The following DCLK1 variants were observed in gnomAD, a reference collection of about 807,000 sequenced individuals.
The protein encoded by DCLK1 is doublecortin like kinase 1.
In DCLK1, 16 loss-of-function variants were observed where a neutral mutation model predicts 86.2. The ratio of observed to expected loss-of-function variants is 0.19; its 90% CI spans 0.13 to 0.28. The LOEUF is 0.28. DCLK1 is among the 10% of genes least tolerant of loss of function. DCLK1 has a pLI of 1.00. For missense variants in DCLK1, 590 were observed against 940.2 expected (o/e 0.63, Z 4.87); for synonymous variants, 369 against 370.5 (o/e 1.00, Z 0.05).
intron 2 of DCLK1, among the ~76,000 whole-genome samples, chr13:36,117,391 T>C (rs1885826479): frequency 6.6e-6 from 1 of 152,172 alleles, no homozygotes; most frequent in Admixed American, 6.5e-5. Context: ...TGTACTCTTG[T>C]ACCTATTATA....
At chr13:35,834,034 C>A (rs1014316293) in intron 8 of DCLK1, among the ~76,000 whole-genome samples, 1 of 152,124 alleles carries the variant, frequency 6.6e-6, no homozygotes, top group East Asian at 1.9e-4. Context: ...GACCAAGACA[C>A]CAGCCCAATC....
At chr13:35,884,515 C>T (rs1332157537) in intron 4 of DCLK1, among the ~76,000 whole-genome samples, 2 of 151,958 alleles carry the variant, frequency 1.3e-5, no homozygotes, top group African/African-American at 4.8e-5. Context: ...AGAATTCCTC[C>T]AAGAGAAAAG....
Position 35,799,996 on chromosome 13 carries a change from TA to T in DCLK1, c.1944+5702del, listed in dbSNP as rs1307893750. 2.0e-5 allele frequency among the ~76,000 whole-genome samples: 3 copies of T among 152,342 alleles called. No individual in the cohort carries two copies. The East Asian group carries it at 5.8e-4, about 29-fold the overall frequency. ...TTTTGTTGGTATTTTGTAACTACATTAAACAAAGTAGCTGTGATGCTGGAGA... is the reference window on the plus strand; with the variant it reads ...TTTTGTTGGTATTTTGTAACTACATTAACAAAGTAGCTGTGATGCTGGAGA... On this transcript the variant is annotated intron_variant, in intron 15 of 16. Coordinates refer to ENST00000360631, the MANE Select transcript of DCLK1 (RefSeq NM_001330071.2).
chr13:36,128,774 C>A (rs1054792388), intron 1 of DCLK1, among the ~76,000 whole-genome samples: 11 of 152,192 alleles, frequency 7.2e-5, no homozygotes, highest in Admixed American at 7.2e-4. Flanking sequence ...CAGCTCTGAA[C>A]TGGTTTCATT....
At chr13:36,049,315 C>G (rs1368289911) in intron 3 of DCLK1, among the ~76,000 whole-genome samples, 2 of 152,132 alleles carry the variant, frequency 1.3e-5, no homozygotes, top group African/African-American at 4.8e-5. Flanking sequence ...ATGTGTCAAT[C>G]CATCCCCAAA....
At chr13:35,817,137 CA>C (rs1305426655) in intron 11 of DCLK1, among the ~76,000 whole-genome samples, 2 of 152,122 alleles carry the variant, frequency 1.3e-5, no homozygotes, top group African/African-American at 2.4e-5. Flanking sequence ...CAGAAAGGAG[CA>C]GTGAATTAGA....
intron 7 of DCLK1, among the ~76,000 whole-genome samples, chr13:35,837,831 C>T (rs945422516): frequency 2.0e-5 from 3 of 151,830 alleles, no homozygotes; most frequent in Non-Finnish European, 2.9e-5. Flanking sequence ...TTTGGGAGGC[C>T]GAGGCAGTTG....
intron 3 of DCLK1, among the ~76,000 whole-genome samples, chr13:36,044,486 A>C (rs1446432470): frequency 6.6e-6 from 1 of 152,192 alleles, no homozygotes; most frequent in Admixed American, 6.5e-5. Context: ...TTCTGAAGGA[A>C]GTGTAATTGG....
At chr13:36,055,993 T>C (rs912381165) in intron 3 of DCLK1, among the ~76,000 whole-genome samples, 1 of 151,362 alleles carries the variant, frequency 6.6e-6, no homozygotes, top group Non-Finnish European at 1.5e-5. Flanking sequence ...TGTGGAGAAA[T>C]AGGAACACTT....
chr13:35,832,269 C>T (rs1566557115), intron 8 of DCLK1, among the ~76,000 whole-genome samples: 1 of 152,156 alleles, frequency 6.6e-6, no homozygotes, highest in Non-Finnish European at 1.5e-5. Flanking sequence ...CACTGCACTC[C>T]AGCCTGGGTG....
intron 3 of DCLK1, among the ~76,000 whole-genome samples, chr13:36,023,938 C>T (rs537085661): frequency 8.4e-5 from 12 of 143,248 alleles, no homozygotes; most frequent in South Asian, 6.7e-4. Context: ...TCTTGTTGCC[C>T]GGGCTGGAGT....
chr13:35,957,788 T>C (rs1383484089), intron 3 of DCLK1, among the ~76,000 whole-genome samples: 1 of 152,094 alleles, frequency 6.6e-6, no homozygotes, highest in Non-Finnish European at 1.5e-5. Flanking sequence ...TCTCTGCATA[T>C]ATAACTTGAG....
chr13:36,129,691 A>G (rs1287668382), intron 1 of DCLK1, among the ~76,000 whole-genome samples: 1 of 152,238 alleles, frequency 6.6e-6, no homozygotes, highest in East Asian at 1.9e-4. Context: ...CTCAATGTTC[A>G]GAGACCATAG....
intron 3 of DCLK1, among the ~76,000 whole-genome samples, chr13:36,047,127 T>A (rs559646612): frequency 1.6e-4 from 24 of 152,256 alleles, no homozygotes; most frequent in African/African-American, 5.8e-4. Flanking sequence ...AAAACTACAA[T>A]GAGATATCTC....
intron 3 of DCLK1, among the ~76,000 whole-genome samples, chr13:36,104,426 C>T (rs1885323827): frequency 6.6e-6 from 1 of 152,168 alleles, no homozygotes; most frequent in African/African-American, 2.4e-5. Context: ...TGAAGATTTG[C>T]ATGGCTACAT....
intron 3 of DCLK1, among the ~76,000 whole-genome samples, chr13:36,029,478 G>A (rs766814586): frequency 1.3e-5 from 2 of 152,104 alleles, no homozygotes; most frequent in Non-Finnish European, 2.9e-5. Flanking sequence ...ATCTCATAAC[G>A]TTCCATTACC....
intron 5 of DCLK1, among the ~76,000 whole-genome samples, chr13:35,869,550 T>C (rs1432125306): frequency 6.6e-6 from 1 of 152,212 alleles, no homozygotes; most frequent in Non-Finnish European, 1.5e-5. Context: ...ATCTCTGTCA[T>C]GCCAGTAAAT....
At chr13:35,954,704 C>G (rs1336539391) in intron 3 of DCLK1, among the ~76,000 whole-genome samples, 1 of 151,874 alleles carries the variant, frequency 6.6e-6, no homozygotes, top group Non-Finnish European at 1.5e-5. Context: ...TTTAAAGAAT[C>G]TCTGGATCTT....
intron 2 of DCLK1, among the ~76,000 whole-genome samples, chr13:36,115,069 G>A (rs935487463): frequency 1.3e-5 from 2 of 152,176 alleles, no homozygotes; most frequent in Non-Finnish European, 2.9e-5. Flanking sequence ...GGGGGGCTGA[G>A]GTGGGAGAAT....
Sources: gnomAD v4.1 joint callset for allele counts (sites outside exome capture counted in the v4.1 genomes callset) on GRCh38, gnomAD v4.1.1 for gene constraint, MANE v1.5 for transcripts, NCBI Gene and HGNC (gene_info 2026-07-23, HGNC 2026-07-21) for gene names.